EVI5: variants seen among roughly 807,000 people sequenced by gnomAD.
EVI5 encodes ecotropic viral integration site 5 protein homolog.
Under a neutral mutation model 112.0 loss-of-function variants are expected in EVI5, and 73 were observed. The ratio of observed to expected loss-of-function variants is 0.65; its 90% CI spans 0.54 to 0.79. EVI5 has a LOEUF of 0.79. Ranked by LOEUF, EVI5 falls within the 30% of genes least tolerant of loss-of-function variation. EVI5 has a pLI of 0.00. For missense variants in EVI5, 900 were observed against 968.8 expected (o/e 0.93, Z 0.94); for synonymous variants, 305 against 319.9 (o/e 0.95, Z 0.50).
At chr1:92,707,234 G>A (rs1172851006) in intron 2 of EVI5, among the ~76,000 whole-genome samples, 1 of 149,762 alleles carries the variant, frequency 6.7e-6, no homozygotes, top group Non-Finnish European at 1.5e-5. Flanking sequence ...TTTGGGGTAG[G>A]CAAAAATTTG....
intron 5 of EVI5, among the ~76,000 whole-genome samples, chr1:92,701,133 T>C (rs1671094529): frequency 6.6e-6 from 1 of 152,170 alleles, no homozygotes; most frequent in Non-Finnish European, 1.5e-5. Flanking sequence ...TCTCTTCTAC[T>C]TAGAAAAGTG....
intron 19 of EVI5, among the ~76,000 whole-genome samples, chr1:92,550,814 A>ATATATATAT (rs1299209083): frequency 3.3e-4 from 34 of 104,428 alleles, no homozygotes; most frequent in East Asian, 5.9e-4. Flanking sequence ...ATATATATAT[A>ATATATATAT]ACAAAAAAAA....
chr1:92,649,707 G>A (rs773845563), intron 13 of EVI5, among the ~76,000 whole-genome samples: 7 of 152,056 alleles, frequency 4.6e-5, no homozygotes, highest in Non-Finnish European at 8.8e-5. Context: ...TCAGCTACTC[G>A]GGAGGCTGAG....
At chr1:92,524,574 T>C (rs1463834120) in intron 19 of EVI5, among the ~76,000 whole-genome samples, 2 of 152,200 alleles carry the variant, frequency 1.3e-5, no homozygotes, top group African/African-American at 2.4e-5. Flanking sequence ...TAAGGTGTTT[T>C]GTGGGATTCA....
intron 14 of EVI5, among the ~76,000 whole-genome samples, chr1:92,628,414 A>G (rs989562105): frequency 6.6e-6 from 1 of 152,196 alleles, no homozygotes; most frequent in Non-Finnish European, 1.5e-5. Flanking sequence ...GCAAACGTCT[A>G]GAAGGGTTTT....
At chr1:92,724,373 C>A (rs994231856) in intron 2 of EVI5, among the ~76,000 whole-genome samples, 12 of 152,106 alleles carry the variant, frequency 7.9e-5, no homozygotes, top group African/African-American at 2.4e-5. Flanking sequence ...CCTCCGATAC[C>A]ATGCCAAAGG....
At chr1:92,783,503 AAAAAGAAAAG>A (rs1558257960) in intron 1 of EVI5, among the ~76,000 whole-genome samples, 1 of 148,008 alleles carries the variant, frequency 6.8e-6, no homozygotes, top group African/African-American at 2.5e-5. Flanking sequence ...AAAAAAAAAA[AAAAAGAAAAG>A]AAAAGAAAAG....
chr1:92,553,434 C>G (rs1667260247), intron 19 of EVI5, among the ~76,000 whole-genome samples: 1 of 151,658 alleles, frequency 6.6e-6, no homozygotes, highest in South Asian at 2.1e-4. Flanking sequence ...TCTCCAGTAG[C>G]TGGGATTACA....
rs367659510 is a variant in EVI5, at chr1:92,683,592, G to A, written c.1098-6374C>T. Among the ~76,000 whole-genome samples the A allele has an allele frequency of 7.4e-4, 113 of 152,224 alleles. 1 individual carries two copies. Among genetic ancestry groups the A allele is most frequent in the South Asian group, 4.6e-3 (22 of 4,818 alleles). ...TGACAGAAGTAGGCTTCAGAAGGTA[G>A]GTAATAACAAACTTCTCTGAGCTAA... is the stretch of plus-strand genomic sequence containing the variant. On this transcript the variant is annotated intron_variant, in intron 9 of 19. Coordinates refer to ENST00000684568, the MANE Select transcript of EVI5 (RefSeq NM_001350197.2).
chr1:92,696,620 G>C (rs1371685492), intron 6 of EVI5, among the ~76,000 whole-genome samples: 1 of 150,664 alleles, frequency 6.6e-6, no homozygotes, highest in East Asian at 1.9e-4. Flanking sequence ...CTGGACAACA[G>C]AGCTAGATAG....
At chr1:92,542,268 CTT>C (rs969642245) in intron 19 of EVI5, among the ~76,000 whole-genome samples, 3 of 147,316 alleles carry the variant, frequency 2.0e-5, no homozygotes, top group African/African-American at 5.0e-5. Context: ...CAAGAAACCA[CTT>C]TTTTTTTTTG....
rs139145762 is a variant in EVI5, at chr1:92,679,715, T to C, written c.1098-2497A>G. Among the ~76,000 whole-genome samples, 23 of 152,314 alleles carry C rather than the reference T, an allele frequency of 1.5e-4. No homozygotes were observed. In the East Asian group the frequency reaches 4.4e-3, roughly 29 times the overall value. ...CCCATGACAGTTTTGATGAGAACCTTGACAGTTTTGAGGAGTACTGGTCAG... is the reference window on the plus strand; with the variant it reads ...CCCATGACAGTTTTGATGAGAACCTCGACAGTTTTGAGGAGTACTGGTCAG... On this transcript the variant is annotated intron_variant, in intron 9 of 19. Coordinates refer to ENST00000684568, the MANE Select transcript of EVI5 (RefSeq NM_001350197.2).
chr1:92,682,264 C>T (rs1409865352), intron 9 of EVI5, among the ~76,000 whole-genome samples: 6 of 152,156 alleles, frequency 3.9e-5, no homozygotes, highest in Non-Finnish European at 7.3e-5. Context: ...TAGTATCTTA[C>T]CGGCCTGTGA....
At chr1:92,716,928 T>C (rs1409598857) in intron 2 of EVI5, among the ~76,000 whole-genome samples, 1 of 151,796 alleles carries the variant, frequency 6.6e-6, no homozygotes, top group Non-Finnish European at 1.5e-5. Context: ...GGATGGAGAA[T>C]GACTTTGAGG....
At chr1:92,530,893 C>T (rs1352177830) in intron 19 of EVI5, among the ~76,000 whole-genome samples, 3 of 151,940 alleles carry the variant, frequency 2.0e-5, no homozygotes, top group South Asian at 2.1e-4. Flanking sequence ...CAAAGGATCA[C>T]AACTCCTTGC....
intron 13 of EVI5, among the ~76,000 whole-genome samples, chr1:92,641,930 G>T (rs1168912928): frequency 6.6e-6 from 1 of 152,088 alleles, no homozygotes; most frequent in African/African-American, 2.4e-5. Flanking sequence ...ACGACGTCAG[G>T]AGATCAAGAC....
At chr1:92,771,870 T>C (rs1346484369) in intron 1 of EVI5, among the ~76,000 whole-genome samples, 1 of 152,010 alleles carries the variant, frequency 6.6e-6, no homozygotes. Flanking sequence ...TATTATTTTT[T>C]TTGAGACGGA....
chr1:92,576,890 T>G (rs950643790), intron 18 of EVI5, among the ~76,000 whole-genome samples: 5 of 152,228 alleles, frequency 3.3e-5, no homozygotes, highest in South Asian at 2.1e-4. Flanking sequence ...ACTGGAATAT[T>G]CACTGGAATA....
intron 18 of EVI5, among the ~76,000 whole-genome samples, chr1:92,599,336 G>A (rs1003732795): frequency 1.3e-5 from 2 of 151,944 alleles, no homozygotes; most frequent in Non-Finnish European, 2.9e-5. Flanking sequence ...GAGTTAATCT[G>A]AAGACATCTG....
Sources: allele counts gnomAD v4.1 joint callset (sites outside exome capture counted in the v4.1 genomes callset), GRCh38; gene constraint gnomAD v4.1.1; transcripts MANE v1.5; gene names NCBI Gene and HGNC (gene_info 2026-07-23, HGNC 2026-07-21).